LARGE1: variants seen among roughly 807,000 people sequenced by gnomAD.
The protein encoded by LARGE1 is LARGE xylosyl- and glucuronyltransferase 1, also known as xylosyl- and glucuronyltransferase LARGE1.
In LARGE1, 43 loss-of-function variants were observed where a neutral mutation model predicts 87.6. The observed-to-expected ratio is 0.49, with a 90% CI of 0.38 to 0.63. The LOEUF is 0.63. Among genes scored for constraint, LARGE1 ranks in the 30% least tolerant of loss-of-function variants. The probability of loss-of-function intolerance (pLI) is 0.00; values close to 1 mark genes in which losing one functional copy is unlikely to be tolerated. For synonymous variants in LARGE1, 434 were observed against 394.6 expected (o/e 1.10, Z -1.18); for missense variants, 802 against 1,000.2 (o/e 0.80, Z 2.67).
chr22:33,583,203 C>A (rs540273251), intron 5 of LARGE1, among the ~76,000 whole-genome samples: 3 of 152,138 alleles, frequency 2.0e-5, no homozygotes, highest in Admixed American at 2.0e-4. Flanking sequence ...CATCCCAGAT[C>A]TACCTTTCTG....
chr22:33,175,100 C>T (rs899776813), intron 11 of LARGE1, among the ~76,000 whole-genome samples: 2 of 152,086 alleles, frequency 1.3e-5, no homozygotes, highest in African/African-American at 2.4e-5. Context: ...ACTGGCAAAC[C>T]GAATCCAGCA....
intron 6 of LARGE1, among the ~76,000 whole-genome samples, chr22:33,502,217 G>A (rs1337278341): frequency 6.6e-6 from 1 of 151,242 alleles, no homozygotes; most frequent in Non-Finnish European, 1.5e-5. Flanking sequence ...AAAAACTGTA[G>A]GAACCTATCT....
intron 5 of LARGE1, among the ~76,000 whole-genome samples, chr22:33,589,361 T>C (rs1271103594): frequency 6.6e-6 from 1 of 152,236 alleles, no homozygotes; most frequent in Non-Finnish European, 1.5e-5. Context: ...CTATTGATTT[T>C]GATTACCATT....
At chr22:33,698,840 A>C (rs1431107221) in intron 2 of LARGE1, among the ~76,000 whole-genome samples, 3 of 151,930 alleles carry the variant, frequency 2.0e-5, no homozygotes, top group African/African-American at 7.3e-5. Context: ...CCCTGACTTC[A>C]CTCTAGTGTC....
At chr22:33,891,742 T>A (rs986090807) in intron 1 of LARGE1, among the ~76,000 whole-genome samples, 2 of 152,230 alleles carry the variant, frequency 1.3e-5, no homozygotes, top group African/African-American at 4.8e-5. Flanking sequence ...TTGGCTATTA[T>A]CAAACGGAGA....
At chr22:33,616,908 G>C (rs891807017) in intron 4 of LARGE1, among the ~76,000 whole-genome samples, 2 of 152,182 alleles carry the variant, frequency 1.3e-5, no homozygotes, top group Non-Finnish European at 2.9e-5. Context: ...ACAATTCTGT[G>C]AATTTACTAA....
At chr22:33,346,291 C>T (rs936857096) in intron 9 of LARGE1, among the ~76,000 whole-genome samples, 3 of 149,592 alleles carry the variant, frequency 2.0e-5, no homozygotes, top group Non-Finnish European at 3.0e-5. Context: ...TCCTCCTCCT[C>T]CTCCTTCTTC....
At chr22:33,860,435 T>A (rs572486749) in intron 1 of LARGE1, among the ~76,000 whole-genome samples, 4 of 152,350 alleles carry the variant, frequency 2.6e-5, no homozygotes, top group African/African-American at 9.6e-5. Context: ...TCCCACTGTC[T>A]TTGTTTTCGG....
intron 7 of LARGE1, among the ~76,000 whole-genome samples, chr22:33,424,915 A>G (rs1056344680): frequency 5.3e-5 from 8 of 152,160 alleles, no homozygotes; most frequent in African/African-American, 1.9e-4. Context: ...GCCTTTGGGA[A>G]GTAATTAGGG....
chr22:33,495,651 G>C (rs5994757), intron 6 of LARGE1, among the ~76,000 whole-genome samples: 3 of 151,552 alleles, frequency 2.0e-5, no homozygotes. Context: ...CCTGGGAGGC[G>C]GAGGTTGCAG....
chr22:33,296,221 C>T (rs78526484), intron 12 of LARGE1, among the ~76,000 whole-genome samples: 5,777 of 152,268 alleles, frequency 0.038, 343 homozygotes, highest in African/African-American at 0.13. Context: ...GGCAGCTGTG[C>T]GGCAGACTGC....
the LARGE1 span, among the ~76,000 whole-genome samples, chr22:33,139,508 CTT>C: frequency 3.9e-5 from 6 of 152,046 alleles, no homozygotes; most frequent in Non-Finnish European, 8.8e-5. Context: ...GATCACAAAA[CTT>C]TTCATTTTCC....
chr22:33,071,955 C>T, the LARGE1 span, among the ~76,000 whole-genome samples: 2 of 152,282 alleles, frequency 1.3e-5, no homozygotes, highest in East Asian at 1.9e-4. Flanking sequence ...AGCTACTACC[C>T]GGCCGTTTCT....
intron 6 of LARGE1, among the ~76,000 whole-genome samples, chr22:33,560,108 C>T (rs575902360): frequency 2.6e-5 from 4 of 152,246 alleles, no homozygotes; most frequent in South Asian, 4.2e-4. Context: ...GTTCAAATCT[C>T]GGTTTCATGA....
At chr22:33,860,905 T>C (rs771540326) in intron 1 of LARGE1, among the ~76,000 whole-genome samples, 1 of 152,160 alleles carries the variant, frequency 6.6e-6, no homozygotes, top group Non-Finnish European at 1.5e-5. Context: ...GATGACCTAC[T>C]GCACTGCCAC....
the LARGE1 span, among the ~76,000 whole-genome samples, chr22:33,074,391 C>A: frequency 6.6e-6 from 1 of 152,046 alleles, no homozygotes; most frequent in Non-Finnish European, 1.5e-5. Context: ...AGTCATTGTT[C>A]CGGCTGGGCG....
chr22:33,146,661 C>T, the LARGE1 span, among the ~76,000 whole-genome samples: 115 of 152,204 alleles, frequency 7.6e-4, no homozygotes, highest in African/African-American at 2.7e-3. Context: ...TGCCCCCAAT[C>T]CTTGCAGACT....
chr22:33,262,750 T>TTTCCTTCCTTCCCTTCCCTTTCC (rs545026801), intron 11 of LARGE1, among the ~76,000 whole-genome samples: 12 of 151,396 alleles, frequency 7.9e-5, no homozygotes, highest in South Asian at 4.2e-4. Flanking sequence ...TCTTTCCTTC[T>TTTCCTTCCTTCCCTTCCCTTTCC]TTCCTTCCTT....
intron 11 of LARGE1, among the ~76,000 whole-genome samples, chr22:33,206,048 C>T (rs190369013): frequency 7.3e-5 from 11 of 151,476 alleles, no homozygotes; most frequent in East Asian, 1.9e-4. Context: ...TCCGCCTCCC[C>T]GGTTCACGCC....
Sources: gnomAD v4.1 joint callset for allele counts (sites outside exome capture counted in the v4.1 genomes callset) on GRCh38, gnomAD v4.1.1 for gene constraint, MANE v1.5 for transcripts, NCBI Gene and HGNC (gene_info 2026-07-23, HGNC 2026-07-21) for gene names.